Variants in GABRA3 observed in about 807,000 individuals in gnomAD.
GABRA3 encodes the protein gamma-aminobutyric acid receptor subunit alpha-3.
Under a neutral mutation model 30.1 loss-of-function variants are expected in GABRA3, and 10 were observed. That is an observed-to-expected ratio of 0.33 (90% CI 0.20 to 0.56). GABRA3 has a LOEUF of 0.56. GABRA3 is among the 20% of genes least tolerant of loss of function. The pLI is 0.89. For missense variants in GABRA3, 233 were observed against 392.0 expected, an observed-to-expected ratio of 0.59 and a Z score of 3.42; for synonymous variants, 151 against 146.8, an observed-to-expected ratio of 1.03 and a Z score of -0.21.
intron 1 of GABRA3, among the ~76,000 whole-genome samples, chrX:152,384,460 T>C (rs761831081): frequency 9.8e-4 from 110 of 111,943 alleles, no homozygotes; most frequent in African/African-American, 3.4e-3. Flanking sequence ...GAAATAGATA[T>C]AGGTTTATAA....
At chrX:152,276,778 G>A (rs1939094106) in intron 4 of GABRA3, among the ~76,000 whole-genome samples, 1 of 106,859 alleles carries the variant, frequency 9.4e-6, no homozygotes, top group Non-Finnish European at 1.9e-5. Flanking sequence ...TGCTATGGAT[G>A]AGTTTTATAT....
chrX:152,238,308 T>G (rs1210956538), intron 5 of GABRA3, among the ~76,000 whole-genome samples: 1 of 96,270 alleles, frequency 1.0e-5, no homozygotes, highest in East Asian at 3.9e-4. Flanking sequence ...TTGATTTGTG[T>G]ATATTGAACC....
intron 1 of GABRA3, among the ~76,000 whole-genome samples, chrX:152,379,588 TA>T (rs1929087177): frequency 9.0e-6 from 1 of 111,175 alleles, no homozygotes; most frequent in African/African-American, 3.3e-5. Flanking sequence ...AGATGATAAT[TA>T]AAATATGATG....
chrX:152,217,081 C>T (rs889547708), intron 6 of GABRA3, among the ~76,000 whole-genome samples: 6 of 111,168 alleles, frequency 5.4e-5, no homozygotes, highest in African/African-American at 2.0e-4. Context: ...CAAATAATTG[C>T]AATTATCAAA....
At chrX:152,302,727 CT>C (rs1288183855) in intron 3 of GABRA3, among the ~76,000 whole-genome samples, 2 of 110,806 alleles carry the variant, frequency 1.8e-5, no homozygotes, top group Admixed American at 9.6e-5. Flanking sequence ...CCTTTCCCCA[CT>C]GCCTCCCCCC....
In GABRA3 at chrX:152,355,345, C is replaced by T. The variant is rs1940534278; in HGVS notation, c.140+9086G>A. ...TTTCTAGAAGGCTAATTTTTATGCA[C>T]TACATTATGGGCGCCATTGGCCTAT... On this transcript the variant is annotated intron_variant, in intron 2 of 9. Coordinates refer to ENST00000370314, the MANE Select transcript of GABRA3 (RefSeq NM_000808.4). Among the ~76,000 whole-genome samples, 3 of 111,381 alleles carry T rather than the reference C, an allele frequency of 2.7e-5. 1 individual carries two copies. Among genetic ancestry groups the T allele is most frequent in the Admixed American group, 9.6e-5 (1 of 10,466 alleles).
chrX:152,379,601 T>C (rs935262177), intron 1 of GABRA3, among the ~76,000 whole-genome samples: 2 of 111,498 alleles, frequency 1.8e-5, no homozygotes, highest in African/African-American at 3.3e-5. Flanking sequence ...AATATGATGA[T>C]AAATTTTTGA....
chrX:152,233,629 T>G (rs1018637493), intron 5 of GABRA3, among the ~76,000 whole-genome samples: 3 of 109,262 alleles, frequency 2.7e-5, no homozygotes, highest in Admixed American at 9.8e-5. Flanking sequence ...ATTGTGGAAG[T>G]CGGTGTGGCG....
intron 5 of GABRA3, among the ~76,000 whole-genome samples, chrX:152,252,372 G>A (rs1938570705): frequency 9.0e-6 from 1 of 111,378 alleles, no homozygotes; most frequent in Admixed American, 9.5e-5. Context: ...TAAAGTGCAT[G>A]AACTTGCAGC....
chrX:152,294,692 T>C, intron 3 of GABRA3, among the ~76,000 whole-genome samples: 1 of 111,445 alleles, frequency 9.0e-6, no homozygotes, highest in East Asian at 2.9e-4. Context: ...CTGCGATCCT[T>C]TGGAGGAGAA....
chrX:152,392,847 G>A lies in GABRA3; in HGVS notation c.-26-28251C>T, dbSNP rs910850987. Among the ~76,000 whole-genome samples, 3 of 112,133 alleles carry A rather than the reference G, an allele frequency of 2.7e-5. No homozygotes were observed. The Admixed American group carries it at 2.8e-4, about 11-fold the overall frequency. ...AGATACAGCACACAAACTTGTTTTCGGAGAATAAAACCATGCTGTGGTGCT... is the reference window on the plus strand; with the variant it reads ...AGATACAGCACACAAACTTGTTTTCAGAGAATAAAACCATGCTGTGGTGCT... On this transcript the variant is annotated intron_variant, in intron 1 of 9. Transcript: ENST00000370314.
At chrX:152,424,414 T>G (rs1000810935) in intron 1 of GABRA3, among the ~76,000 whole-genome samples, 8 of 111,536 alleles carry the variant, frequency 7.2e-5, no homozygotes, top group Non-Finnish European at 1.5e-4. Context: ...TAACTAAGCA[T>G]CTACTTTGTA....
chrX:152,368,862 C>T lies in GABRA3; in HGVS notation c.-26-4266G>A, dbSNP rs781645857. On this transcript the variant is annotated intron_variant, in intron 1 of 9. Transcript: ENST00000370314. Reference sequence around the variant, plus strand: ...CTGGGACTACAGGCACCGGCCACCACGCCCAGCTAATTTTTTGTATTTGTA... The same window carrying T: ...CTGGGACTACAGGCACCGGCCACCATGCCCAGCTAATTTTTTGTATTTGTA... 3.8e-3 allele frequency among the ~76,000 whole-genome samples: 414 copies of T among 109,441 alleles called. 1 individual carries two copies. Among genetic ancestry groups the T allele is most frequent in the Non-Finnish European group, 5.8e-3 (302 of 52,488 alleles).
At chrX:152,404,259 A>G (rs1433672487) in intron 1 of GABRA3, among the ~76,000 whole-genome samples, 1 of 111,491 alleles carries the variant, frequency 9.0e-6, no homozygotes, top group Non-Finnish European at 1.9e-5. Context: ...ACAGCAGAAA[A>G]TTATAAAAAG....
At chrX:152,283,558 C>T (rs747171857) in intron 4 of GABRA3, among the ~76,000 whole-genome samples, 4 of 111,941 alleles carry the variant, frequency 3.6e-5, no homozygotes, top group African/African-American at 9.7e-5. Context: ...AACTCTCAGG[C>T]TCCAGCCTTT....
At chrX:152,442,036 G>A (rs955436883) in intron 1 of GABRA3, among the ~76,000 whole-genome samples, 6 of 111,110 alleles carry the variant, frequency 5.4e-5, no homozygotes, top group East Asian at 2.8e-4. Context: ...AATAGAAAGC[G>A]AAGTAACATT....
intron 3 of GABRA3, among the ~76,000 whole-genome samples, chrX:152,313,521 T>C (rs1168992441): frequency 8.9e-6 from 1 of 111,856 alleles, no homozygotes; most frequent in Admixed American, 9.6e-5. Flanking sequence ...ACTAGCTGTA[T>C]GTTCTCTCAG....
chrX:152,211,986 T>C (rs190522364), intron 6 of GABRA3, among the ~76,000 whole-genome samples: 77 of 109,798 alleles, frequency 7.0e-4, no homozygotes, highest in African/African-American at 2.4e-3. Flanking sequence ...ATAAATAGCA[T>C]AAAATATCCA....
intron 3 of GABRA3, among the ~76,000 whole-genome samples, chrX:152,301,929 C>A (rs887362464): frequency 5.4e-5 from 6 of 111,261 alleles, no homozygotes; most frequent in Non-Finnish European, 1.1e-4. Context: ...CAGGCTACTA[C>A]AATTTACTGG....
Sources: gnomAD v4.1 joint callset for allele counts (sites outside exome capture counted in the v4.1 genomes callset) on GRCh38, gnomAD v4.1.1 for gene constraint, MANE v1.5 for transcripts, NCBI Gene and HGNC (gene_info 2026-07-23, HGNC 2026-07-21) for gene names.